SPON1: variants seen among roughly 807,000 people sequenced by gnomAD.
SPON1 encodes the protein spondin 1, also known as spondin-1.
A neutral mutation model predicts 111.7 loss-of-function variants in SPON1; 52 were observed. The ratio of observed to expected loss-of-function variants is 0.47; its 90% CI spans 0.37 to 0.59. The LOEUF (loss-of-function observed/expected upper bound fraction) is 0.59. SPON1 is among the 20% of genes least tolerant of loss of function. The pLI, the probability that SPON1 is intolerant of heterozygous loss-of-function variation, is 0.00. For synonymous variants in SPON1, 410 were observed against 395.8 expected (o/e 1.04, Z -0.43); for missense variants, 957 against 1,068.5 (o/e 0.90, Z 1.46).
chr11:14,089,747 C>T (rs936483692), intron 5 of SPON1, among the ~76,000 whole-genome samples: 1 of 152,174 alleles, frequency 6.6e-6, no homozygotes, highest in Non-Finnish European at 1.5e-5. Flanking sequence ...AAGCTGGGCC[C>T]ACAGCCACCC....
At chr11:14,236,248 C>T (rs949537700) in intron 6 of SPON1, among the ~76,000 whole-genome samples, 3 of 151,874 alleles carry the variant, frequency 2.0e-5, no homozygotes, top group Admixed American at 6.6e-5. Flanking sequence ...AGGCAGGAGA[C>T]GGAAAGTGGT....
chr11:14,224,877 G>A, intron 6 of SPON1: 1 of 289,380 alleles, frequency 3.5e-6, no homozygotes, highest in Non-Finnish European at 7.0e-6. Context: ...GCCTGATCAA[G>A]TGTCTGTTTT....
intron 1 of SPON1, among the ~76,000 whole-genome samples, chr11:13,972,972 C>G (rs1468384597): frequency 6.6e-6 from 1 of 152,182 alleles, no homozygotes; most frequent in Non-Finnish European, 1.5e-5. Flanking sequence ...CCGTTCCCTC[C>G]TTCGCTCTAT....
At chr11:14,153,270 A>G (rs1398486530) in intron 6 of SPON1, among the ~76,000 whole-genome samples, 1 of 152,186 alleles carries the variant, frequency 6.6e-6, no homozygotes, top group African/African-American at 2.4e-5. Context: ...CTGCTCTCAC[A>G]TTGCTATAAA....
At chr11:14,221,340 C>T (rs79892940) in intron 6 of SPON1, among the ~76,000 whole-genome samples, 5,404 of 152,222 alleles carry the variant, frequency 0.036, 133 homozygotes, top group Non-Finnish European at 0.052. Flanking sequence ...TTGTTATACC[C>T]ATTTTATACA....
chr11:14,224,314 T>C lies in SPON1; in HGVS notation c.826-19018T>C, dbSNP rs868976174. Among the ~76,000 whole-genome samples, 6 of 152,122 alleles carry C rather than the reference T, an allele frequency of 3.9e-5. No individual in the cohort carries two copies. In the South Asian group the frequency reaches 1.2e-3, roughly 32 times the overall value. ...GTACCTTGGAAGCACAGAGGAAGGG[T>C]GGCTAAGCTAAACCAAGCGGTCAGG... On this transcript the variant is annotated intron_variant, in intron 6 of 15. Coordinates refer to ENST00000576479, the MANE Select transcript of SPON1 (RefSeq NM_006108.4).
chr11:14,236,387 G>A (rs1848867660), intron 6 of SPON1, among the ~76,000 whole-genome samples: 1 of 152,148 alleles, frequency 6.6e-6, no homozygotes, highest in South Asian at 2.1e-4. Flanking sequence ...AATGGGATGG[G>A]AAGAATGAAG....
intron 6 of SPON1, among the ~76,000 whole-genome samples, chr11:14,200,111 T>C (rs774155588): frequency 6.6e-6 from 1 of 151,898 alleles, no homozygotes; most frequent in Non-Finnish European, 1.5e-5. Context: ...CCAGGAAGCC[T>C]TCCATGCTCC....
At chr11:14,101,695 A>T (rs1849145353) in intron 5 of SPON1, among the ~76,000 whole-genome samples, 1 of 152,178 alleles carries the variant, frequency 6.6e-6, no homozygotes, top group South Asian at 2.1e-4. Flanking sequence ...AAACTCAAAA[A>T]CACTAAAAAG....
chr11:14,195,401 T>C (rs1476112185), intron 6 of SPON1, among the ~76,000 whole-genome samples: 1 of 152,074 alleles, frequency 6.6e-6, no homozygotes, highest in African/African-American at 2.4e-5. Context: ...AAGACAAAAA[T>C]GATTGGAAAA....
chr11:14,197,648 CAAAA>C (rs11343423), intron 6 of SPON1, among the ~76,000 whole-genome samples: 1 of 119,912 alleles, frequency 8.3e-6, no homozygotes, highest in Non-Finnish European at 1.7e-5. Context: ...ACTAAATATA[CAAAA>C]AAAAAAAAAA....
chr11:14,126,141 G>A (rs1184603008), intron 5 of SPON1, among the ~76,000 whole-genome samples: 2 of 152,162 alleles, frequency 1.3e-5, no homozygotes, highest in Non-Finnish European at 2.9e-5. Context: ...AGAGCAGTCT[G>A]TTTTACTCTA....
chr11:14,045,329 G>A (rs1848660172), intron 3 of SPON1, among the ~76,000 whole-genome samples: 1 of 152,130 alleles, frequency 6.6e-6, no homozygotes, highest in Non-Finnish European at 1.5e-5. Flanking sequence ...CAGCACTTTG[G>A]GAGGCCGAGC....
chr11:14,080,315 G>A (rs995136585), intron 5 of SPON1, among the ~76,000 whole-genome samples: 3 of 151,356 alleles, frequency 2.0e-5, no homozygotes, highest in African/African-American at 4.9e-5. Flanking sequence ...TGCAACCTCC[G>A]CCTCCCGGGT....
chr11:14,068,682 A>G (rs574601981), intron 3 of SPON1, among the ~76,000 whole-genome samples: 1 of 152,314 alleles, frequency 6.6e-6, no homozygotes, highest in South Asian at 2.1e-4. Flanking sequence ...CATTTTTCCA[A>G]GAAGTTACAC....
At chr11:13,975,556 G>A (rs1200770842) in intron 1 of SPON1, among the ~76,000 whole-genome samples, 5 of 152,154 alleles carry the variant, frequency 3.3e-5, no homozygotes, top group Non-Finnish European at 5.9e-5. Flanking sequence ...TCATAAACAC[G>A]TATGGAACTG....
In SPON1 at chr11:14,172,817, G is replaced by T. The variant is rs1464579418; in HGVS notation, c.825+37249G>T. Among the ~76,000 whole-genome samples the T allele has an allele frequency of 1.1e-3, 162 of 151,964 alleles. 1 individual carries two copies. The highest frequency in any genetic ancestry group is 3.4e-3 in the Middle Eastern group (1 of 294). ...CTTTTCTTTAAGAATGTTGAATATTGGCCCCCACTCTCTTCTGGCTTGTAG... is the reference window on the plus strand; with the variant it reads ...CTTTTCTTTAAGAATGTTGAATATTTGCCCCCACTCTCTTCTGGCTTGTAG... On this transcript the variant is annotated intron_variant, in intron 6 of 15. Coordinates refer to ENST00000576479, the MANE Select transcript of SPON1 (RefSeq NM_006108.4).
chr11:14,156,447 C>A (rs1847847536), intron 6 of SPON1, among the ~76,000 whole-genome samples: 1 of 144,854 alleles, frequency 6.9e-6, no homozygotes, highest in Admixed American at 7.0e-5. Flanking sequence ...TGTAGGTTGC[C>A]TGTTCACTCT....
chr11:14,188,084 A>G (rs1848306137), intron 6 of SPON1, among the ~76,000 whole-genome samples: 1 of 152,018 alleles, frequency 6.6e-6, no homozygotes, highest in African/African-American at 2.4e-5. Context: ...CAATTTTTGT[A>G]TTTTTAGCAG....
Sources: gnomAD v4.1 joint callset for allele counts (sites outside exome capture counted in the v4.1 genomes callset) on GRCh38, gnomAD v4.1.1 for gene constraint, MANE v1.5 for transcripts, NCBI Gene and HGNC (gene_info 2026-07-23, HGNC 2026-07-21) for gene names.